The following SH3GL2 variants were observed in gnomAD, a reference collection of about 807,000 sequenced individuals.
SH3GL2 encodes the protein SH3 domain containing GRB2 like 2, endophilin A1.
Under a neutral mutation model 46.0 loss-of-function variants are expected in SH3GL2, and 24 were observed. The observed-to-expected ratio is 0.52, with a 90% CI of 0.38 to 0.73. The LOEUF (loss-of-function observed/expected upper bound fraction) is 0.73, where lower values mean the gene tolerates loss of function less well. Among genes scored for constraint, SH3GL2 ranks in the 30% least tolerant of loss-of-function variants. SH3GL2 has a pLI of 0.00. For synonymous variants in SH3GL2, 196 were observed against 147.1 expected, an observed-to-expected ratio of 1.33 and a Z score of -2.40; for missense variants, 413 against 424.2, an observed-to-expected ratio of 0.97 and a Z score of 0.23.
intron 3 of SH3GL2, among the ~76,000 whole-genome samples, chr9:17,772,334 A>T (rs73642315): frequency 3.3e-5 from 5 of 152,092 alleles, no homozygotes; most frequent in African/African-American, 1.2e-4. Flanking sequence ...CTTATTTTTC[A>T]TAGTAAAACA....
intron 3 of SH3GL2, among the ~76,000 whole-genome samples, chr9:17,770,373 C>T (rs1588319665): frequency 6.6e-6 from 1 of 152,150 alleles, no homozygotes. Flanking sequence ...CTCCAAGGCA[C>T]ATTCTGTTTT....
At chr9:17,735,782 A>G (rs1336659896) in intron 1 of SH3GL2, 2 of 970,598 alleles carry the variant, frequency 2.1e-6, no homozygotes, top group Non-Finnish European at 2.4e-6. Flanking sequence ...CATGGAAAGC[A>G]TAATAGGAAA....
At chr9:17,700,738 A>G (rs1821325326) in intron 1 of SH3GL2, among the ~76,000 whole-genome samples, 2 of 152,172 alleles carry the variant, frequency 1.3e-5, no homozygotes, top group Admixed American at 1.3e-4. Flanking sequence ...ATAACGCCAT[A>G]TGGTTTCCTA....
At chr9:17,604,349 G>A (rs929803703) in intron 1 of SH3GL2, among the ~76,000 whole-genome samples, 1 of 152,214 alleles carries the variant, frequency 6.6e-6, no homozygotes, top group Non-Finnish European at 1.5e-5. Context: ...TGGGAATAAT[G>A]TCAGTATCCT....
At chr9:17,600,119 A>G (rs73418652) in intron 1 of SH3GL2, among the ~76,000 whole-genome samples, 9,611 of 152,270 alleles carry the variant, frequency 0.063, 1,060 homozygotes, top group African/African-American at 0.22. Flanking sequence ...GGTACTGAAC[A>G]GCAGTTTAGA....
At chr9:17,794,237 C>T (rs1458376708) in intron 8 of SH3GL2, among the ~76,000 whole-genome samples, 1 of 152,192 alleles carries the variant, frequency 6.6e-6, no homozygotes, top group Non-Finnish European at 1.5e-5. Flanking sequence ...TCAACCTCCA[C>T]ATTTGCTTGT....
chr9:17,702,454 C>T (rs1821362687), intron 1 of SH3GL2, among the ~76,000 whole-genome samples: 2 of 149,592 alleles, frequency 1.3e-5, no homozygotes, highest in South Asian at 4.3e-4. Context: ...CAAAAAAAAA[C>T]ACCCATGAGC....
At chr9:17,789,621 A>G in intron 6 of SH3GL2, 71 bp downstream of exon 6, 1 of 1,595,142 alleles carries the variant, frequency 6.3e-7, no homozygotes, top group Non-Finnish European at 8.6e-7. Flanking sequence ...AAAGGCCATA[A>G]CCCTTAAAAG....
chr9:17,709,290 C>A (rs530566273), intron 1 of SH3GL2, among the ~76,000 whole-genome samples: 1 of 152,068 alleles, frequency 6.6e-6, no homozygotes, highest in African/African-American at 2.4e-5. Context: ...ATGGAATAGA[C>A]CACTCATGAA....
chr9:17,640,144 A>G (rs181969744), intron 1 of SH3GL2, among the ~76,000 whole-genome samples: 4 of 152,072 alleles, frequency 2.6e-5, no homozygotes, highest in African/African-American at 9.6e-5. Flanking sequence ...TTATTTTGTC[A>G]TTAATTTGTA....
chr9:17,609,654 C>T (rs930880826), intron 1 of SH3GL2, among the ~76,000 whole-genome samples: 2 of 152,284 alleles, frequency 1.3e-5, no homozygotes, highest in African/African-American at 2.4e-5. Context: ...GAATATACAA[C>T]GTGAAACGTT....
At chr9:17,758,761 G>C (rs1182013058) in intron 2 of SH3GL2, among the ~76,000 whole-genome samples, 1 of 120,066 alleles carries the variant, frequency 8.3e-6, no homozygotes, top group African/African-American at 3.0e-5. Context: ...AAAGGGTTTA[G>C]GTAGAACTTG....
At chr9:17,732,473 G>C (rs1412412621) in intron 1 of SH3GL2, among the ~76,000 whole-genome samples, 2 of 152,248 alleles carry the variant, frequency 1.3e-5, no homozygotes, top group East Asian at 3.9e-4. Flanking sequence ...GCCTACATTA[G>C]GCACTGGGAA....
intron 1 of SH3GL2, among the ~76,000 whole-genome samples, chr9:17,611,848 C>G (rs553502477): frequency 1.3e-5 from 2 of 152,178 alleles, no homozygotes; most frequent in Non-Finnish European, 2.9e-5. Context: ...CCCAACTCCT[C>G]TTGTCTTTGG....
intron 2 of SH3GL2, among the ~76,000 whole-genome samples, chr9:17,752,811 A>G (rs1822884604): frequency 6.6e-6 from 1 of 152,134 alleles, no homozygotes; most frequent in African/African-American, 2.4e-5. Context: ...TCACCCAGGT[A>G]TTAAGCCTAG....
intron 1 of SH3GL2, among the ~76,000 whole-genome samples, chr9:17,718,135 A>T (rs979926146): frequency 6.6e-6 from 1 of 152,144 alleles, no homozygotes; most frequent in Admixed American, 6.6e-5. Flanking sequence ...ACAACTCCAG[A>T]TGGCAGTTGT....
At chr9:17,778,261 T>C (rs1391982474) in intron 3 of SH3GL2, among the ~76,000 whole-genome samples, 1 of 152,160 alleles carries the variant, frequency 6.6e-6, no homozygotes, top group African/African-American at 2.4e-5. Flanking sequence ...CCACGTTTAC[T>C]CTAAGGCAGT....
intron 1 of SH3GL2, among the ~76,000 whole-genome samples, chr9:17,718,457 T>C (rs1821814433): frequency 6.6e-6 from 1 of 152,146 alleles, no homozygotes; most frequent in South Asian, 2.1e-4. Flanking sequence ...GTGCAGTGGC[T>C]CACTCCTGTA....
chr9:17,671,134 T>C (rs1820464033), intron 1 of SH3GL2, among the ~76,000 whole-genome samples: 1 of 152,230 alleles, frequency 6.6e-6, no homozygotes, highest in African/African-American at 2.4e-5. Context: ...AAACAAGATA[T>C]ATGATGCTGG....
Sources: gnomAD v4.1 joint callset for allele counts (sites outside exome capture counted in the v4.1 genomes callset) on GRCh38, gnomAD v4.1.1 for gene constraint, MANE v1.5 for transcripts, NCBI Gene and HGNC (gene_info 2026-07-23, HGNC 2026-07-21) for gene names.